The following DNER variants were observed in gnomAD, a reference collection of about 807,000 sequenced individuals.
The protein encoded by DNER is delta/notch like EGF repeat containing.
A neutral mutation model predicts 78.2 loss-of-function variants in DNER; 33 were observed. The observed-to-expected ratio is 0.42, with a 90% confidence interval of 0.32 to 0.56. DNER has a LOEUF of 0.56. Among genes scored for constraint, DNER ranks in the 20% least tolerant of loss-of-function variants. The pLI is 0.11. For missense variants in DNER, 918 were observed against 975.3 expected, an observed-to-expected ratio of 0.94 and a Z score of 0.78; for synonymous variants, 417 against 384.8, an observed-to-expected ratio of 1.08 and a Z score of -0.98.
At chr2:229,512,428 G>A (rs1359080708) in intron 6 of DNER, among the ~76,000 whole-genome samples, 1 of 151,618 alleles carries the variant, frequency 6.6e-6, no homozygotes, top group Non-Finnish European at 1.5e-5. Context: ...AACCTGGATG[G>A]GACAGGATAC....
chr2:229,492,606 A>G (rs1221738741), intron 6 of DNER, among the ~76,000 whole-genome samples: 1 of 152,146 alleles, frequency 6.6e-6, no homozygotes, highest in East Asian at 1.9e-4. Flanking sequence ...TATTGCTTCC[A>G]TGCTTCACAC....
At position 229,398,339 on chromosome 2, in the gene DNER, T is replaced by A. The variant is rs907241091; in HGVS notation, c.1723+8893A>T. ...TAGATGATTTAAATACTTTTATAAC[T>A]ATTGAGACTTTAAACTTTAAAACTC... On this transcript the variant is annotated intron_variant, in intron 10 of 12. Transcript: ENST00000341772. Among the ~76,000 whole-genome samples, 4 of 152,092 alleles carry A rather than the reference T, an allele frequency of 2.6e-5. No individual in the cohort carries two copies. The South Asian group carries it at 8.3e-4, about 32-fold the overall frequency.
At chr2:229,613,699 C>T (rs115993909) in intron 1 of DNER, among the ~76,000 whole-genome samples, 2,557 of 150,816 alleles carry the variant, frequency 0.017, 64 homozygotes, top group African/African-American at 0.059. Context: ...AAAGGAAAGA[C>T]GTTACTTTTA....
chr2:229,661,560 A>G (rs566199740), intron 1 of DNER, among the ~76,000 whole-genome samples: 1 of 152,356 alleles, frequency 6.6e-6, no homozygotes, highest in East Asian at 1.9e-4. Flanking sequence ...ACAAGACTAA[A>G]AAGAAAACTT....
intron 5 of DNER, among the ~76,000 whole-genome samples, chr2:229,539,699 C>T (rs1468503408): frequency 6.6e-6 from 1 of 152,156 alleles, no homozygotes; most frequent in Non-Finnish European, 1.5e-5. Flanking sequence ...TTGGAAAGCA[C>T]CATGCTAGTT....
At chr2:229,541,209 T>C (rs977150036) in intron 5 of DNER, among the ~76,000 whole-genome samples, 1 of 152,068 alleles carries the variant, frequency 6.6e-6, no homozygotes, top group African/African-American at 2.4e-5. Flanking sequence ...TGCTGCCCAA[T>C]AAAAGGCATC....
At chr2:229,553,616 T>C (rs1460152231) in intron 4 of DNER, among the ~76,000 whole-genome samples, 2 of 152,182 alleles carry the variant, frequency 1.3e-5, no homozygotes, top group Non-Finnish European at 2.9e-5. Context: ...CCATGTTGGC[T>C]GCCATGCCAG....
At position 229,459,720 on chromosome 2, in the gene DNER, C is replaced by T. The variant is rs1023117001; in HGVS notation, c.1262-12180G>A. Among the ~76,000 whole-genome samples the T allele has an allele frequency of 2.0e-5, 3 of 152,004 alleles. 1 individual carries two copies. In the South Asian group the frequency reaches 6.2e-4, roughly 31 times the overall value. On this transcript the variant is annotated intron_variant, in intron 7 of 12. Coordinates refer to ENST00000341772, the MANE Select transcript of DNER (RefSeq NM_139072.4). ...AGAGAGTTCGTGTGAAAGCATTTGA[C>T]AAGTCGAAAACGCCGTGCTAGCATA...
In DNER at chr2:229,367,048, T is replaced by C. The variant is rs1185376395; in HGVS notation, c.1927A>G (p.Ile643Val). 1 of 1,614,046 alleles carries C rather than the reference T, an allele frequency of 6.2e-7. No homozygotes were observed. Among genetic ancestry groups the C allele is most frequent in the South Asian group, 1.1e-5 (1 of 91,062 alleles). The change falls in exon 12 of 13, where the codon ATT becomes GTT. Residue 643 changes from isoleucine to valine, a missense_variant. Ile to Val is a conservative substitution (Grantham distance 29). Coordinates refer to ENST00000341772, the MANE Select transcript of DNER (RefSeq NM_139072.4). ...NMPRHSLYII[I>V]GALCVAFILM... The stretch of plus-strand genomic sequence containing the variant: ...ATGAAGGCCACGCAGAGGGCTCCAA[T>C]GATGATGTAGAGGGAGTGCCGTGGC...
At chr2:229,528,043 T>A (rs146694030) in intron 5 of DNER, among the ~76,000 whole-genome samples, 1 of 152,264 alleles carries the variant, frequency 6.6e-6, no homozygotes, top group Non-Finnish European at 1.5e-5. Context: ...GAGCATGTGC[T>A]AATGACTCGA....
chr2:229,425,129 G>A (rs1693844867), intron 8 of DNER, among the ~76,000 whole-genome samples: 1 of 152,130 alleles, frequency 6.6e-6, no homozygotes. Flanking sequence ...TTGTGGGTTT[G>A]ACATAACACA....
intron 1 of DNER, among the ~76,000 whole-genome samples, chr2:229,648,266 T>C (rs186665979): frequency 6.6e-6 from 1 of 152,222 alleles, no homozygotes. Flanking sequence ...AACCCAGGAG[T>C]CTAGCGCAGT....
rs375572552 is a variant in DNER, at chr2:229,637,354, C to A, written c.277-45466G>T. ...GATATTAAATATGCTTTAGTCTTTA[C>A]TCTTGGTCCATAGTGGTGTGCTGAA... On this transcript the variant is annotated intron_variant, in intron 1 of 12. Coordinates refer to ENST00000341772, the MANE Select transcript of DNER (RefSeq NM_139072.4). Among the ~76,000 whole-genome samples, 19 of 152,274 alleles carry A rather than the reference C, an allele frequency of 1.2e-4. No individual in the cohort carries two copies. The South Asian group carries it at 3.9e-3, about 32-fold the overall frequency.
intron 4 of DNER, among the ~76,000 whole-genome samples, chr2:229,551,540 A>T (rs1168306483): frequency 6.6e-6 from 1 of 152,184 alleles, no homozygotes; most frequent in Admixed American, 6.5e-5. Flanking sequence ...AGGCTGATGC[A>T]GGAGAATCAC....
chr2:229,360,407 CT>C (rs989632830), intron 12 of DNER, among the ~76,000 whole-genome samples: 2 of 151,872 alleles, frequency 1.3e-5, no homozygotes, highest in African/African-American at 2.4e-5. Context: ...TTAAAACATC[CT>C]TTTTTTTATT....
chr2:229,696,450 T>A (rs933767382), intron 1 of DNER, among the ~76,000 whole-genome samples: 11 of 152,296 alleles, frequency 7.2e-5, no homozygotes, highest in African/African-American at 2.6e-4. Context: ...CGGCCTTGCA[T>A]AATTATTTTT....
At chr2:229,626,070 C>T (rs1004150157) in intron 1 of DNER, among the ~76,000 whole-genome samples, 1 of 152,140 alleles carries the variant, frequency 6.6e-6, no homozygotes, top group Non-Finnish European at 1.5e-5. Context: ...CAGGCACCCA[C>T]AACAGTGCCT....
Position 229,651,234 on chromosome 2 carries a change from G to C in DNER, c.277-59346C>G, listed in dbSNP as rs146374052. Among the ~76,000 whole-genome samples, 378 of 152,280 alleles carry C rather than the reference G, an allele frequency of 2.5e-3. 1 individual carries two copies. Among genetic ancestry groups the C allele is most frequent in the African/African-American group, 8.0e-3 (334 of 41,560 alleles). ...CATCTTCATTTCAGCAAGCTGCCCT[G>C]CCGCTTCCAATTAATTCCTTTCTTG... On this transcript the variant is annotated intron_variant, in intron 1 of 12. Coordinates refer to ENST00000341772, the MANE Select transcript of DNER (RefSeq NM_139072.4).
chr2:229,698,507 G>A (rs969785648), intron 1 of DNER, among the ~76,000 whole-genome samples: 5 of 152,138 alleles, frequency 3.3e-5, no homozygotes, highest in African/African-American at 4.8e-5. Context: ...TGTAGGGTCC[G>A]GGGAAAGCAA....
Sources: allele counts gnomAD v4.1 joint callset (sites outside exome capture counted in the v4.1 genomes callset), GRCh38; gene constraint gnomAD v4.1.1; transcripts MANE v1.5; gene names NCBI Gene and HGNC (gene_info 2026-07-23, HGNC 2026-07-21).